The following MID1 variants were observed in gnomAD, a reference collection of about 807,000 sequenced individuals.
MID1 encodes midline 1.
A neutral mutation model predicts 40.4 loss-of-function variants in MID1; 7 were observed. That is an observed-to-expected ratio of 0.17 (90% confidence interval 0.10 to 0.33). MID1 has a LOEUF of 0.33. Ranked by LOEUF, MID1 falls within the 10% of genes least tolerant of loss-of-function variation. The pLI, the probability that MID1 is intolerant of heterozygous loss-of-function variation, is 1.00. For synonymous variants in MID1, 229 were observed against 221.2 expected (o/e 1.04, Z -0.31); for missense variants, 367 against 558.5 (o/e 0.66, Z 3.46).
chrX:10,521,879 G>A lies in MID1; in HGVS notation c.756+1213C>T, dbSNP rs537504484. 1.6e-4 allele frequency among the ~76,000 whole-genome samples: 18 copies of A among 112,108 alleles called. No individual in the cohort carries two copies. The South Asian group carries it at 6.0e-3, about 38-fold the overall frequency. ...TTTTGAGACAAGGTCTCACTCTGTC[G>A]CCTAGGCTGGAGTGCAGTGGTGCAA... is the stretch of plus-strand genomic sequence containing the variant. On this transcript the variant is annotated intron_variant, in intron 3 of 9. Transcript: ENST00000317552.
chrX:10,667,779 A>G (rs2042959984), intron 1 of MID1, among the ~76,000 whole-genome samples: 1 of 111,254 alleles, frequency 9.0e-6, no homozygotes, highest in South Asian at 3.8e-4. Context: ...TTTTAGTTGT[A>G]TCACCCAAAG....
chrX:10,683,770 CTTTTTTTTTTTTTTTT>C (rs34917176), intron 1 of MID1, among the ~76,000 whole-genome samples: 9 of 45,092 alleles, frequency 2.0e-4, no homozygotes, highest in Admixed American at 5.9e-4. Flanking sequence ...TGCACGTCAT[CTTTTTTTTTTTTTTTT>C]TTTTTTTTTT....
At chrX:10,608,834 G>A (rs1024470490) in intron 1 of MID1, among the ~76,000 whole-genome samples, 2 of 111,458 alleles carry the variant, frequency 1.8e-5, no homozygotes, top group Non-Finnish European at 3.8e-5. Context: ...TGTATTTACT[G>A]CTGTGTTTAT....
Position 10,827,588 on chromosome X carries a change from G to A in MID1, c.-187+5966C>T, listed in dbSNP as rs147311186. On this transcript the variant is annotated intron_variant, in intron 1 of 10. Coordinates refer to the MID1 transcript ENST00000380785. ...GGAGACTATGGACCCCACCAAGCGC[G>A]CTGGTTCTTAATGCATTTGTAGGCA... Among the ~76,000 whole-genome samples the A allele has an allele frequency of 8.2e-3, 890 of 109,026 alleles. 8 individuals are homozygous for A. Among genetic ancestry groups the A allele is most frequent in the African/African-American group, 0.028 (844 of 29,852 alleles). 94.7% of individuals were successfully genotyped at this position (109,026 alleles called of 115,157 possible).
intron 1 of MID1, among the ~76,000 whole-genome samples, chrX:10,793,461 A>T (rs1305527370): frequency 1.8e-5 from 2 of 112,255 alleles, no homozygotes; most frequent in Non-Finnish European, 3.8e-5. Flanking sequence ...CTGTTCCCTG[A>T]AAGGACATTG....
chrX:10,735,927 A>G (rs765310205), intron 1 of MID1, among the ~76,000 whole-genome samples: 5 of 111,625 alleles, frequency 4.5e-5, no homozygotes, highest in African/African-American at 1.3e-4. Context: ...CCACTGCACC[A>G]GCCTATATAG....
chrX:10,797,450 C>T (rs1230097711), intron 1 of MID1, among the ~76,000 whole-genome samples: 3 of 111,774 alleles, frequency 2.7e-5, no homozygotes, highest in Non-Finnish European at 5.6e-5. Flanking sequence ...ACAATGAATG[C>T]CAGTATGTGC....
At chrX:10,753,562 A>T (rs1413587677) in intron 1 of MID1, among the ~76,000 whole-genome samples, 5 of 108,222 alleles carry the variant, frequency 4.6e-5, no homozygotes, top group Non-Finnish European at 9.5e-5. Flanking sequence ...TCCAGTGCAC[A>T]CTTCAAAAAA....
intron 1 of MID1, among the ~76,000 whole-genome samples, chrX:10,612,007 G>A (rs1276820352): frequency 1.8e-5 from 2 of 111,467 alleles, no homozygotes; most frequent in African/African-American, 3.3e-5. Context: ...ATCAATGTTC[G>A]GGGCTGTCAC....
At chrX:10,605,680 T>C (rs1935611781) in intron 1 of MID1, among the ~76,000 whole-genome samples, 1 of 111,988 alleles carries the variant, frequency 8.9e-6, no homozygotes, top group Non-Finnish European at 1.9e-5. Context: ...TGCCATGCTA[T>C]GAAACTAATA....
At chrX:10,562,168 A>G (rs1471571115) in intron 2 of MID1, among the ~76,000 whole-genome samples, 2 of 105,011 alleles carry the variant, frequency 1.9e-5, no homozygotes, top group African/African-American at 7.7e-5. Context: ...GAAGTTGAAC[A>G]ATGAGAACAC....
At position 10,459,538 on chromosome X, in the gene MID1, G is replaced by A. The variant is rs1469287954; in HGVS notation, c.1447+108C>T. ...CACTGGCTTTTTACTTGTTTTGGGG[G>A]GCTGTCAATGATACCCAAGACAGAG... On this transcript the variant is annotated intron_variant, in intron 8 of 9. Transcript: ENST00000317552. 4 of 853,624 alleles carry A rather than the reference G, an allele frequency of 4.7e-6. No homozygotes were observed. The African/African-American group carries it at 6.0e-5, about 13-fold the overall frequency. The allele number at this position is 853,624 out of a possible 1,213,427, so 70.3% of individuals were successfully genotyped here.
At chrX:10,827,819 G>C (rs1192519917) in intron 1 of MID1, among the ~76,000 whole-genome samples, 1 of 110,879 alleles carries the variant, frequency 9.0e-6, no homozygotes, top group Non-Finnish European at 1.9e-5. Flanking sequence ...TGTCGGCACG[G>C]TGCAGAAAAG....
At position 10,796,452 on chromosome X, in the gene MID1, TG is replaced by T. The variant is rs2043968267; in HGVS notation, c.-187+37101del. ...GTTTTTTTTTTAATGATTTTTTTTT[TG>T]ATAGGTTAATAAAGTGCTTTGTGTA... is the stretch of plus-strand genomic sequence containing the variant. On this transcript the variant is annotated intron_variant, in intron 1 of 10. Coordinates refer to the MID1 transcript ENST00000380785. 1.1e-4 allele frequency among the ~76,000 whole-genome samples: 12 copies of T among 109,040 alleles called. No homozygotes were observed. In the South Asian group the frequency reaches 5.0e-3, roughly 45 times the overall value. 94.7% of individuals were successfully genotyped at this position (109,040 alleles called of 115,157 possible). A position where few individuals can be genotyped will look rare whatever the true frequency, so the allele number is the denominator to read the frequency against.
chrX:10,801,246 G>A (rs1057211039), intron 1 of MID1, among the ~76,000 whole-genome samples: 1 of 111,437 alleles, frequency 9.0e-6, no homozygotes, highest in South Asian at 3.8e-4. Flanking sequence ...CTTCATTTAC[G>A]GATTGACCTT....
At chrX:10,746,684 G>C (rs1000054737) in intron 1 of MID1, among the ~76,000 whole-genome samples, 4 of 110,628 alleles carry the variant, frequency 3.6e-5, no homozygotes, top group Non-Finnish European at 7.6e-5. Flanking sequence ...TGTCCATCTA[G>C]GGGCAAAACC....
chrX:10,790,187 C>G (rs1299162348), intron 1 of MID1, among the ~76,000 whole-genome samples: 5 of 108,655 alleles, frequency 4.6e-5, no homozygotes, highest in African/African-American at 1.7e-4. Flanking sequence ...TTTTTCTTTT[C>G]TTTTGAGATG....
At chrX:10,652,795 G>A (rs112086032) in intron 1 of MID1, among the ~76,000 whole-genome samples, 2 of 111,253 alleles carry the variant, frequency 1.8e-5, no homozygotes, top group African/African-American at 6.5e-5. Flanking sequence ...TCTGCCCATA[G>A]TTCTTGCCTC....
chrX:10,584,570 C>T (rs1174479080), intron 1 of MID1, among the ~76,000 whole-genome samples: 4 of 112,224 alleles, frequency 3.6e-5, no homozygotes, highest in African/African-American at 6.5e-5. Flanking sequence ...GCTTTATGAC[C>T]GGTGAGCACC....
Sources: allele counts gnomAD v4.1 joint callset (sites outside exome capture counted in the v4.1 genomes callset), GRCh38; gene constraint gnomAD v4.1.1; transcripts MANE v1.5; gene names NCBI Gene and HGNC (gene_info 2026-07-23, HGNC 2026-07-21).